Variants in LDB2 observed in about 807,000 individuals in gnomAD.
The protein encoded by LDB2 is LIM domain binding 2.
In LDB2, 12 loss-of-function variants were observed where a neutral mutation model predicts 44.3. The ratio of observed to expected loss-of-function variants is 0.27; its 90% CI spans 0.17 to 0.44. LDB2 has a LOEUF of 0.44. Among genes scored for constraint, LDB2 ranks in the 20% least tolerant of loss-of-function variants. LDB2 has a pLI of 1.00. For synonymous variants in LDB2, 164 were observed against 174.8 expected (o/e 0.94, Z 0.49); for missense variants, 344 against 473.5 (o/e 0.73, Z 2.54).
At chr4:16,692,211 T>G (rs1278771920) in intron 2 of LDB2, among the ~76,000 whole-genome samples, 1 of 152,192 alleles carries the variant, frequency 6.6e-6, no homozygotes, top group Admixed American at 6.5e-5. Flanking sequence ...GTACATAAAC[T>G]TATGAGTTAT....
chr4:16,778,826 C>G (rs1772529638), intron 1 of LDB2, among the ~76,000 whole-genome samples: 1 of 152,126 alleles, frequency 6.6e-6, no homozygotes, highest in Non-Finnish European at 1.5e-5. Context: ...TGCTCAAGAT[C>G]ACATAGACAA....
intron 2 of LDB2, among the ~76,000 whole-genome samples, chr4:16,611,379 T>C (rs755729185): frequency 3.3e-5 from 5 of 152,100 alleles, no homozygotes; most frequent in Admixed American, 1.3e-4. Flanking sequence ...TAATTTTAAA[T>C]GTAAACAGGC....
At chr4:16,615,724 G>A (rs4698496) in intron 2 of LDB2, among the ~76,000 whole-genome samples, 96,467 of 151,932 alleles carry the variant, frequency 0.63, 30,974 homozygotes, top group Middle Eastern at 0.76. Flanking sequence ...CCATTTTTTT[G>A]GAAGAAATTA....
intron 1 of LDB2, among the ~76,000 whole-genome samples, chr4:16,788,919 C>CA (rs922217478): frequency 7.2e-5 from 11 of 152,208 alleles, no homozygotes; most frequent in African/African-American, 2.7e-4. Context: ...AGGGCCATTA[C>CA]ACTTACAGTA....
chr4:16,638,567 G>A (rs1193315537), intron 2 of LDB2, among the ~76,000 whole-genome samples: 1 of 152,174 alleles, frequency 6.6e-6, no homozygotes, highest in Non-Finnish European at 1.5e-5. Context: ...ACACTTAAAT[G>A]GGATCCAGTG....
In LDB2 at chr4:16,658,357, G is replaced by A. The variant is rs142641673; in HGVS notation, c.236-62482C>T. 4.8e-4 allele frequency among the ~76,000 whole-genome samples: 73 copies of A among 152,270 alleles called. No individual in the cohort carries two copies. The East Asian group carries it at 0.012, about 26-fold the overall frequency. ...ACTGGTAGGTCTCTGCATCCTTGAGGCCTCTCTTATACCAGTGTCTCCATA... is the reference window on the plus strand; with the variant it reads ...ACTGGTAGGTCTCTGCATCCTTGAGACCTCTCTTATACCAGTGTCTCCATA... On this transcript the variant is annotated intron_variant, in intron 2 of 7. Coordinates refer to ENST00000304523, the MANE Select transcript of LDB2 (RefSeq NM_001290.5).
intron 2 of LDB2, chr4:16,741,596 C>T (rs1278101183): frequency 6.6e-6 from 1 of 152,196 alleles, no homozygotes; most frequent in Non-Finnish European, 1.5e-5. Context: ...CCCAAATCTA[C>T]AGTCTCTTCA....
chr4:16,579,050 G>C (rs1713118919), intron 5 of LDB2, among the ~76,000 whole-genome samples: 1 of 152,172 alleles, frequency 6.6e-6, no homozygotes, highest in Non-Finnish European at 1.5e-5. Flanking sequence ...GGAAGGGTCA[G>C]GGTGGCGGAA....
chr4:16,592,461 CATACATATATATATAT>C (rs1369485159), intron 3 of LDB2, among the ~76,000 whole-genome samples: 1 of 66,814 alleles, frequency 1.5e-5, no homozygotes, highest in Non-Finnish European at 2.6e-5. Flanking sequence ...ATGCATTATA[CATACATATATATATAT>C]ATATATATAT....
chr4:16,863,945 C>T (rs7681972), intron 1 of LDB2, among the ~76,000 whole-genome samples: 8,845 of 152,222 alleles, frequency 0.058, 786 homozygotes, highest in African/African-American at 0.19. Flanking sequence ...CAGGCGTGAG[C>T]CACCGCGCCT....
chr4:16,889,682 C>T (rs141033337), intron 1 of LDB2, among the ~76,000 whole-genome samples: 2 of 152,286 alleles, frequency 1.3e-5, no homozygotes, highest in East Asian at 3.9e-4. Context: ...GCACATCAGC[C>T]ATGTGCTATA....
In LDB2 at chr4:16,862,290, C is replaced by A. The variant is rs1343251000; in HGVS notation, c.132+36064G>T. 2.0e-5 allele frequency among the ~76,000 whole-genome samples: 3 copies of A among 151,120 alleles called. 1 individual carries two copies. The highest frequency in any genetic ancestry group is 4.4e-5 in the Non-Finnish European group (3 of 67,892). ...CTCCTAAATATTTGGAAGGAGAAGC[C>A]CAAGTTTGATACCAGTGTAAGGATG... On this transcript the variant is annotated intron_variant, in intron 1 of 7. Transcript: ENST00000304523.
intron 2 of LDB2, among the ~76,000 whole-genome samples, chr4:16,708,599 TC>T (rs754785580): frequency 3.9e-5 from 6 of 152,162 alleles, no homozygotes; most frequent in Non-Finnish European, 8.8e-5. Context: ...TCATGGTGCA[TC>T]TATTACAAAC....
chr4:16,822,177 C>T (rs1359232988), intron 1 of LDB2, among the ~76,000 whole-genome samples: 1 of 151,846 alleles, frequency 6.6e-6, no homozygotes, highest in Non-Finnish European at 1.5e-5. Flanking sequence ...CAGCTGCTAT[C>T]TGTGTCTAGG....
intron 5 of LDB2, among the ~76,000 whole-genome samples, chr4:16,517,604 A>T (rs1027302950): frequency 6.6e-6 from 1 of 152,160 alleles, no homozygotes; most frequent in Non-Finnish European, 1.5e-5. Context: ...GAATCCCAGG[A>T]CGCTGTGGAA....
intron 5 of LDB2, among the ~76,000 whole-genome samples, chr4:16,519,582 G>T (rs1233708098): frequency 6.7e-6 from 1 of 150,332 alleles, no homozygotes; most frequent in African/African-American, 2.4e-5. Flanking sequence ...CAAACTTGGG[G>T]GTTTGAACCC....
rs562742698 is a variant in LDB2 at position 16,616,683 on chromosome 4, T to A, written c.236-20808A>T. Among the ~76,000 whole-genome samples the A allele has an allele frequency of 1.6e-3, 4 of 2,558 alleles. No homozygotes were observed. The South Asian group carries it at 0.18, about 116-fold the overall frequency. The allele number at this position is 2,558 out of a possible 152,430, so 1.7% of individuals were successfully genotyped here. A position where few individuals can be genotyped will look rare whatever the true frequency, so the allele number is the denominator to read the frequency against. ...GTGCTGTATGACTCTGCATTTGGGG[T>A]CTGGAGACATCTTTCTGTATCAGAA... On this transcript the variant is annotated intron_variant, in intron 2 of 7. Transcript: ENST00000304523.
intron 2 of LDB2, among the ~76,000 whole-genome samples, chr4:16,754,974 T>C (rs1766228090): frequency 1.3e-5 from 2 of 152,330 alleles, no homozygotes; most frequent in Admixed American, 6.5e-5. Context: ...CAGCCCTGCA[T>C]TGCCTGCTGA....
At chr4:16,746,429 G>A (rs979433253) in intron 2 of LDB2, among the ~76,000 whole-genome samples, 10 of 140,900 alleles carry the variant, frequency 7.1e-5, no homozygotes, top group Non-Finnish European at 1.5e-4. Flanking sequence ...ATATTGGACA[G>A]TCTTGATTTT....
Sources: allele counts gnomAD v4.1 joint callset (sites outside exome capture counted in the v4.1 genomes callset), GRCh38; gene constraint gnomAD v4.1.1; transcripts MANE v1.5; gene names NCBI Gene and HGNC (gene_info 2026-07-23, HGNC 2026-07-21).